The following CEP112 variants were observed in gnomAD, a reference collection of about 807,000 sequenced individuals.
CEP112 encodes the protein centrosomal protein 112, also known as centrosomal protein of 112 kDa.
Under a neutral mutation model 153.0 loss-of-function variants are expected in CEP112, and 127 were observed. The observed-to-expected ratio is 0.83, with a 90% confidence interval of 0.72 to 0.96. The LOEUF (loss-of-function observed/expected upper bound fraction) is 0.96. CEP112 is among the 40% of genes least tolerant of loss of function. The pLI is 0.00. For missense variants in CEP112, 1,089 were observed against 1,101.2 expected, an observed-to-expected ratio of 0.99 and a Z score of 0.16; for synonymous variants, 358 against 374.4, an observed-to-expected ratio of 0.96 and a Z score of 0.51.
At chr17:66,071,536 C>G (rs1040253916) in intron 8 of CEP112, among the ~76,000 whole-genome samples, 2 of 152,104 alleles carry the variant, frequency 1.3e-5, no homozygotes, top group African/African-American at 4.8e-5. Context: ...AGGGTAAGCC[C>G]TAAATACCAT....
chr17:66,018,018 C>A (rs1168942165), intron 16 of CEP112, among the ~76,000 whole-genome samples: 1 of 149,816 alleles, frequency 6.7e-6, no homozygotes, highest in Non-Finnish European at 1.5e-5. Context: ...AAAAAAAATC[C>A]TTGTTTGTAC....
chr17:65,697,302 A>C (rs1361423808), intron 23 of CEP112, among the ~76,000 whole-genome samples: 1 of 152,216 alleles, frequency 6.6e-6, no homozygotes, highest in African/African-American at 2.4e-5. Context: ...GGTGACTCTC[A>C]TTTAAACCTT....
intron 8 of CEP112, among the ~76,000 whole-genome samples, chr17:66,085,860 C>T (rs1159156609): frequency 1.3e-5 from 2 of 151,686 alleles, no homozygotes; most frequent in Non-Finnish European, 2.9e-5. Context: ...ACCTGTAATC[C>T]CAGCTACTCA....
Position 66,176,092 on chromosome 17 carries a change from C to T in CEP112, c.297+738G>A, listed in dbSNP as rs907628954. ...ACAGGAATTATTCTCTAATGTTCAG[C>T]GTGCCACTTGACTAAATTGTGCTTT... On this transcript the variant is annotated intron_variant, in intron 3 of 26. Transcript: ENST00000535342. Among the ~76,000 whole-genome samples, 7 of 152,254 alleles carry T rather than the reference C, an allele frequency of 4.6e-5. No homozygotes were observed. The East Asian group carries it at 1.2e-3, about 25-fold the overall frequency.
intron 4 of CEP112, among the ~76,000 whole-genome samples, chr17:66,147,915 G>A (rs531277444): frequency 1.1e-4 from 16 of 152,186 alleles, no homozygotes; most frequent in Admixed American, 1.0e-3. Flanking sequence ...TGGCTTTGCA[G>A]CAAGTTTCCA....
chr17:66,141,399 G>GT (rs962543786), intron 4 of CEP112, among the ~76,000 whole-genome samples: 2 of 112,788 alleles, frequency 1.8e-5, no homozygotes, highest in East Asian at 3.9e-4. Flanking sequence ...TTTTAAAATA[G>GT]TTTTTTTCTT....
intron 22 of CEP112, among the ~76,000 whole-genome samples, chr17:65,748,556 T>C (rs1250950654): frequency 6.6e-6 from 1 of 152,226 alleles, no homozygotes; most frequent in Non-Finnish European, 1.5e-5. Flanking sequence ...GTGCTGATAC[T>C]ATAATAATTC....
chr17:65,991,797 C>T (rs1386957440), intron 17 of CEP112, among the ~76,000 whole-genome samples: 1 of 151,852 alleles, frequency 6.6e-6, no homozygotes, highest in Non-Finnish European at 1.5e-5. Flanking sequence ...ATATTTTTCA[C>T]CAACCTTACA....
At chr17:65,953,117 G>A (rs2061890908) in intron 18 of CEP112, among the ~76,000 whole-genome samples, 1 of 151,594 alleles carries the variant, frequency 6.6e-6, no homozygotes, top group African/African-American at 2.4e-5. Flanking sequence ...TTTTAGTTTT[G>A]GTGAAGTCCA....
At chr17:66,154,961 C>T in intron 4 of CEP112, among the ~76,000 whole-genome samples, 1 of 152,138 alleles carries the variant, frequency 6.6e-6, no homozygotes, top group Middle Eastern at 3.2e-3. Flanking sequence ...TATAGAAGGG[C>T]TAGTTAGGCC....
chr17:66,144,876 T>C (rs1274826180), intron 4 of CEP112, among the ~76,000 whole-genome samples: 2 of 152,210 alleles, frequency 1.3e-5, no homozygotes, highest in African/African-American at 2.4e-5. Context: ...CATTTCTCTT[T>C]ACCAAGTATC....
intron 17 of CEP112, among the ~76,000 whole-genome samples, chr17:65,986,721 A>G (rs1307288483): frequency 6.6e-6 from 1 of 152,190 alleles, no homozygotes; most frequent in African/African-American, 2.4e-5. Flanking sequence ...TAAGTTATAA[A>G]AAGATATATC....
At chr17:65,989,489 C>T (rs1319363004) in intron 17 of CEP112, among the ~76,000 whole-genome samples, 1 of 130,192 alleles carries the variant, frequency 7.7e-6, no homozygotes, top group African/African-American at 2.9e-5. Context: ...AAAAAAAAAA[C>T]TGTCATACAA....
At chr17:66,145,272 T>C (rs772477791) in intron 4 of CEP112, among the ~76,000 whole-genome samples, 1 of 152,182 alleles carries the variant, frequency 6.6e-6, no homozygotes, top group Non-Finnish European at 1.5e-5. Flanking sequence ...ATCCTTTATG[T>C]ATTCTAGCCA....
At chr17:65,639,362 A>G (rs1047446822) in intron 25 of CEP112, among the ~76,000 whole-genome samples, 5 of 152,118 alleles carry the variant, frequency 3.3e-5, no homozygotes, top group African/African-American at 4.8e-5. Flanking sequence ...CCTTTCCTTC[A>G]TGGAATTTTT....
intron 21 of CEP112, among the ~76,000 whole-genome samples, chr17:65,793,304 G>A (rs1424656220): frequency 6.6e-6 from 1 of 152,130 alleles, no homozygotes; most frequent in African/African-American, 2.4e-5. Flanking sequence ...ATGGACCCAT[G>A]AGGGAGAACA....
At position 65,870,125 on chromosome 17, in the gene CEP112, G is replaced by A. The variant is rs551055563; in HGVS notation, c.2164-18091C>T. 2.1e-3 allele frequency among the ~76,000 whole-genome samples: 298 copies of A among 140,044 alleles called. 1 individual carries two copies. The highest frequency in any genetic ancestry group is 7.0e-3 in the African/African-American group (278 of 39,576). The allele number at this position is 140,044 out of a possible 152,430, so 91.9% of individuals were successfully genotyped here. ...ATACAAAGAAAAAAAAGCAATCAGT[G>A]TATGTGCTTATCTGAAAGGGGAGAA... On this transcript the variant is annotated intron_variant, in intron 20 of 26. Coordinates refer to ENST00000535342, the MANE Select transcript of CEP112 (RefSeq NM_001199165.4).
At chr17:65,920,375 AT>A (rs1272153675) in intron 19 of CEP112, among the ~76,000 whole-genome samples, 2 of 85,184 alleles carry the variant, frequency 2.3e-5, no homozygotes, top group African/African-American at 9.4e-5. Flanking sequence ...ATATATATAT[AT>A]ATATATATAT....
chr17:66,014,614 C>T (rs913285208), intron 16 of CEP112, among the ~76,000 whole-genome samples: 2 of 152,128 alleles, frequency 1.3e-5, no homozygotes, highest in Non-Finnish European at 2.9e-5. Context: ...GTGTGGGGGT[C>T]ATGGGGTCTT....
Sources: gnomAD v4.1 joint callset for allele counts (sites outside exome capture counted in the v4.1 genomes callset) on GRCh38, gnomAD v4.1.1 for gene constraint, MANE v1.5 for transcripts, NCBI Gene and HGNC (gene_info 2026-07-23, HGNC 2026-07-21) for gene names.